The following SLC44A5 variants were observed in gnomAD, a reference collection of about 807,000 sequenced individuals.
SLC44A5 encodes the protein solute carrier family 44 member 5.
Under a neutral mutation model 101.8 loss-of-function variants are expected in SLC44A5, and 57 were observed. That is an observed-to-expected ratio of 0.56 (90% CI 0.45 to 0.70). The LOEUF is 0.70. SLC44A5 is among the 30% of genes least tolerant of loss of function. The pLI is 0.00. For synonymous variants in SLC44A5, 281 were observed against 290.9 expected (o/e 0.97, Z 0.35); for missense variants, 737 against 853.1 (o/e 0.86, Z 1.70).
chr1:75,271,752 T>C (rs768950830), intron 6 of SLC44A5, among the ~76,000 whole-genome samples: 5 of 152,114 alleles, frequency 3.3e-5, no homozygotes, highest in Non-Finnish European at 7.4e-5. Context: ...ATCCTTGCAA[T>C]TGTGAACTGT....
intron 1 of SLC44A5, among the ~76,000 whole-genome samples, chr1:75,608,756 G>C (rs922950218): frequency 2.6e-5 from 4 of 151,402 alleles, no homozygotes; most frequent in Admixed American, 2.0e-4. Flanking sequence ...CCTTCTGGAA[G>C]TCTCCTCCCC....
intron 7 of SLC44A5, among the ~76,000 whole-genome samples, chr1:75,250,614 A>G (rs1221924497): frequency 2.6e-5 from 4 of 152,130 alleles, no homozygotes; most frequent in Admixed American, 1.3e-4. Flanking sequence ...ATATGAGTGG[A>G]AATGCAATGT....
the SLC44A5 span, among the ~76,000 whole-genome samples, chr1:75,650,171 C>T: frequency 6.6e-6 from 1 of 152,058 alleles, no homozygotes; most frequent in African/African-American, 2.4e-5. Flanking sequence ...CATTAGCGTA[C>T]ATTGTACCCA....
intron 2 of SLC44A5, among the ~76,000 whole-genome samples, chr1:75,476,705 G>A (rs879401383): frequency 1.4e-3 from 208 of 152,134 alleles, no homozygotes; most frequent in East Asian, 3.5e-3. Flanking sequence ...CGGGAGGGGC[G>A]CCCGCCATTA....
intron 4 of SLC44A5, among the ~76,000 whole-genome samples, chr1:75,314,593 T>C (rs1176162503): frequency 6.6e-6 from 1 of 152,090 alleles, no homozygotes; most frequent in Non-Finnish European, 1.5e-5. Flanking sequence ...AAGGCCATAG[T>C]GAAATATGCC....
At chr1:75,571,413 A>G (rs567220678) in intron 1 of SLC44A5, among the ~76,000 whole-genome samples, 1 of 152,304 alleles carries the variant, frequency 6.6e-6, no homozygotes, top group African/African-American at 2.4e-5. Context: ...TTAGCAAAAA[A>G]TAAATACAGA....
chr1:75,558,545 C>T (rs2102001189), intron 1 of SLC44A5, among the ~76,000 whole-genome samples: 1 of 152,134 alleles, frequency 6.6e-6, no homozygotes, highest in South Asian at 2.1e-4. Context: ...TCCACACTAC[C>T]TTAATATGGC....
chr1:75,719,578 A>C, the SLC44A5 span, among the ~76,000 whole-genome samples: 9 of 152,170 alleles, frequency 5.9e-5, no homozygotes, highest in Non-Finnish European at 1.0e-4. Flanking sequence ...AAGTCTCTAA[A>C]AAGGAACTTG....
chr1:75,388,066 TG>T (rs1661504175), intron 3 of SLC44A5, among the ~76,000 whole-genome samples: 1 of 77,344 alleles, frequency 1.3e-5, no homozygotes, highest in African/African-American at 5.2e-5. Flanking sequence ...TGTTGTGGGG[TG>T]GGGGGAGGGG....
intron 1 of SLC44A5, among the ~76,000 whole-genome samples, chr1:75,570,618 T>G (rs1187681556): frequency 6.6e-6 from 1 of 152,182 alleles, no homozygotes; most frequent in Non-Finnish European, 1.5e-5. Context: ...GTTTATAAAA[T>G]GAGAATTTGT....
At chr1:75,483,459 C>G (rs935741404) in intron 2 of SLC44A5, among the ~76,000 whole-genome samples, 1 of 152,112 alleles carries the variant, frequency 6.6e-6, no homozygotes, top group Non-Finnish European at 1.5e-5. Context: ...GAGATGTGCT[C>G]TAGCTAGGAT....
At chr1:75,264,620 A>G (rs1196517370) in intron 6 of SLC44A5, among the ~76,000 whole-genome samples, 1 of 152,216 alleles carries the variant, frequency 6.6e-6, no homozygotes, top group Non-Finnish European at 1.5e-5. Flanking sequence ...ACAATGTATC[A>G]AAACTGATGG....
the SLC44A5 span, among the ~76,000 whole-genome samples, chr1:75,699,381 A>T: frequency 4.9e-4 from 75 of 152,296 alleles, no homozygotes; most frequent in African/African-American, 1.7e-3. Flanking sequence ...TTCAACCCAG[A>T]ATTTCATATC....
At chr1:75,376,467 T>C (rs1660621486) in intron 3 of SLC44A5, among the ~76,000 whole-genome samples, 1 of 152,170 alleles carries the variant, frequency 6.6e-6, no homozygotes, top group Non-Finnish European at 1.5e-5. Context: ...GCAGTGGTTC[T>C]CCCAGCACGC....
At chr1:75,288,049 T>G (rs1653215074) in intron 5 of SLC44A5, among the ~76,000 whole-genome samples, 1 of 152,192 alleles carries the variant, frequency 6.6e-6, no homozygotes. Context: ...TCCAAGAGGT[T>G]GTGTCCTTTG....
chr1:75,210,625 A>T (rs560696736), intron 23 of SLC44A5, among the ~76,000 whole-genome samples: 59 of 152,162 alleles, frequency 3.9e-4, no homozygotes, highest in Non-Finnish European at 7.2e-4. Flanking sequence ...AGAATTCCAC[A>T]TATCTAGTTC....
intron 2 of SLC44A5, among the ~76,000 whole-genome samples, chr1:75,517,540 G>C (rs1198279942): frequency 6.6e-6 from 1 of 152,072 alleles, no homozygotes; most frequent in East Asian, 1.9e-4. Context: ...AAACACAAAG[G>C]GTAGGAGAAA....
chr1:75,641,814 G>T, the SLC44A5 span: 1 of 1,514,144 alleles, frequency 6.6e-7, no homozygotes, highest in South Asian at 1.1e-5. Flanking sequence ...TCACATAAAG[G>T]CCAGTTTTCC....
intron 9 of SLC44A5, among the ~76,000 whole-genome samples, chr1:75,240,198 A>G (rs936505648): frequency 1.3e-5 from 2 of 152,110 alleles, no homozygotes; most frequent in South Asian, 2.1e-4. Context: ...TCTTTCTTCT[A>G]CAGTAAATAT....
Sources: gnomAD v4.1 joint callset for allele counts (sites outside exome capture counted in the v4.1 genomes callset) on GRCh38, gnomAD v4.1.1 for gene constraint, MANE v1.5 for transcripts, NCBI Gene and HGNC (gene_info 2026-07-23, HGNC 2026-07-21) for gene names.